The following ODAD1 variants were observed in gnomAD, a reference collection of about 807,000 sequenced individuals.
The protein encoded by ODAD1 is outer dynein arm-docking complex subunit 1.
A neutral mutation model predicts 67.2 loss-of-function variants in ODAD1; 49 were observed. That is an observed-to-expected ratio of 0.73 (90% confidence interval 0.58 to 0.92). ODAD1 has a LOEUF of 0.92. Ranked by LOEUF, ODAD1 falls within the 40% of genes least tolerant of loss-of-function variation. The pLI, the probability that ODAD1 is intolerant of heterozygous loss-of-function variation, is 0.00. For synonymous variants in ODAD1, 345 were observed against 393.7 expected (o/e 0.88, Z 1.46); for missense variants, 897 against 953.7 (o/e 0.94, Z 0.78).
chr19:48,305,125 T>C (rs1284588514), intron 8 of ODAD1, among the ~76,000 whole-genome samples: 2 of 151,882 alleles, frequency 1.3e-5, no homozygotes, highest in Non-Finnish European at 2.9e-5. Flanking sequence ...GAGAAGAACT[T>C]AGTAGAAGGT....
rs1445614850 is a variant in ODAD1 at position 48,298,011 on chromosome 19, G to A, written c.1491C>T (p.Pro497=). ...GCCCTGCGCCTCACAGAGTGTCAGGGGGCTGAAGTGGGGCCATCTTCTTCG... is the reference window on the plus strand; with the variant it reads ...GCCCTGCGCCTCACAGAGTGTCAGGAGGCTGAAGTGGGGCCATCTTCTTCG... ...DLPKKMAPLQ[P]PDTLEDPPGF... is the part of the protein sequence containing the mutation. Residue 497 remains proline, a synonymous_variant, in exon 14 of 16, where the codon CCC becomes CCT. Coordinates refer to ENST00000674294, the MANE Select transcript of ODAD1 (RefSeq NM_001364171.2). The A allele has an allele frequency of 1.2e-6, 2 of 1,612,982 alleles. No homozygotes were observed. Among genetic ancestry groups the A allele is most frequent in the East Asian group, 2.2e-5 (1 of 44,844 alleles).
chr19:48,320,108 A>G, intron 3 of ODAD1, 191 bp downstream of exon 3: 3 of 1,021,834 alleles, frequency 2.9e-6, no homozygotes, highest in Non-Finnish European at 3.7e-6. Context: ...TGAAGTCTCC[A>G]GCCTGCCCCA....
At position 48,320,697 on chromosome 19, in the gene ODAD1, G is replaced by A. The variant is rs370837511; in HGVS notation, c.-24+75C>T. 2.0e-3 allele frequency: 363 copies of A among 177,370 alleles called. 1 individual carries two copies. The highest frequency in any genetic ancestry group is 7.2e-3 in the African/African-American group (305 of 42,160). 11.0% of individuals were successfully genotyped at this position (177,370 alleles called of 1,614,324 possible). On this transcript the variant is annotated intron_variant, in intron 2 of 15. Coordinates refer to ENST00000674294, the MANE Select transcript of ODAD1 (RefSeq NM_001364171.2). The stretch of plus-strand genomic sequence containing the variant: ...AGGCTGTTTGGTCGCAGGAGAGGGG[G>A]AAACCCCGGCCTGCTGTAGTGGGGG...
At position 48,321,668 on chromosome 19, in the gene ODAD1, T is replaced by C; in HGVS notation, c.-64+10A>G. The C allele has an allele frequency of 2.6e-6, 1 of 389,746 alleles. No individual in the cohort carries two copies. 24.1% of individuals were successfully genotyped at this position (389,746 alleles called of 1,614,324 possible). A position where few individuals can be genotyped will look rare whatever the true frequency, so the allele number is the denominator to read the frequency against. On this transcript the variant is annotated intron_variant, in intron 1 of 15. Coordinates refer to ENST00000674294, the MANE Select transcript of ODAD1 (RefSeq NM_001364171.2). ...TCCTGGGGAGGTCGAGGCTGAGGTCTCACTAGTACCGCGGGCCTGGAAGCG... is the reference window on the plus strand; with the variant it reads ...TCCTGGGGAGGTCGAGGCTGAGGTCCCACTAGTACCGCGGGCCTGGAAGCG...
chr19:48,306,924 T>C (rs1600864860), intron 7 of ODAD1, among the ~76,000 whole-genome samples: 1 of 152,000 alleles, frequency 6.6e-6, no homozygotes, highest in South Asian at 2.1e-4. Flanking sequence ...GGCTCACGAC[T>C]GTAATCCCAG....
chr19:48,311,500 G>A (rs1040783866), intron 7 of ODAD1, 53 bp downstream of exon 7: 2 of 1,014,792 alleles, frequency 2.0e-6, no homozygotes, highest in African/African-American at 1.6e-5. Flanking sequence ...CAGCTGTGGG[G>A]AGGACCTGCG....
At chr19:48,315,736 A>G (rs1230785241) in intron 5 of ODAD1, among the ~76,000 whole-genome samples, 1 of 152,100 alleles carries the variant, frequency 6.6e-6, no homozygotes, top group African/African-American at 2.4e-5. Context: ...AGAATTTTAT[A>G]TTAATGGAAT....
At chr19:48,299,639 C>A (rs748821470) in intron 12 of ODAD1, among the ~76,000 whole-genome samples, 1 of 150,718 alleles carries the variant, frequency 6.6e-6, no homozygotes, top group South Asian at 2.1e-4. Context: ...CCCCCCTCCA[C>A]TAAAAATACA....
Position 48,303,998 on chromosome 19 carries a change from C to T in ODAD1, c.808G>A (p.Asp270Asn), listed in dbSNP as rs145629439. The T allele has an allele frequency of 7.8e-4, 1,266 of 1,614,204 alleles. 9 individuals are homozygous for T. In the East Asian group the frequency reaches 0.013, roughly 16 times the overall value. Residue 270 changes from aspartate to asparagine, a missense_variant, in exon 9 of 16, where the codon GAC becomes AAC. Transcript: ENST00000674294. Reference protein sequence around the residue: ...LHHFLKLKNNDRQPDPDVLEK... With the variant: ...LHHFLKLKNNNRQPDPDVLEK... ...AGGACATCGGGATCCGGCTGCCGGT[C>T]GTTGTTCTTGAGCTTGAGGAAGTGG...
At position 48,312,060 on chromosome 19, in the gene ODAD1, T is replaced by C. The variant is rs777602543; in HGVS notation, c.417A>G (p.Gly139=). Residue 139 remains glycine, a synonymous_variant, in exon 6 of 16, where the codon GGA becomes GGG. Coordinates refer to ENST00000674294, the MANE Select transcript of ODAD1 (RefSeq NM_001364171.2). ...FTHSKNVRSP[G]FILDQKVKIR... is the part of the protein sequence containing the mutation. Reference sequence around the variant, plus strand: ...TCTTGACCTTCTGATCCAGGATGAATCCCGGGGACCTGACATTCTTACTGT... The same window carrying C: ...TCTTGACCTTCTGATCCAGGATGAACCCCGGGGACCTGACATTCTTACTGT... 7 of 1,550,320 alleles carry C rather than the reference T, an allele frequency of 4.5e-6. No individual in the cohort carries two copies. Among genetic ancestry groups the C allele is most frequent in the Non-Finnish European group, 6.1e-6 (7 of 1,145,598 alleles).
intron 5 of ODAD1, 112 bp downstream of exon 5, chr19:48,318,275 A>T: frequency 1.1e-6 from 1 of 903,794 alleles, no homozygotes; most frequent in South Asian, 1.6e-5. Flanking sequence ...TACAGGCATG[A>T]GCCACTGTGC....
Position 48,318,755 on chromosome 19 carries a change from C to G in ODAD1, c.128G>C (p.Arg43Pro). Residue 43 changes from arginine (R) to proline (P), a missense_variant, in exon 4 of 16, where the codon CGG (arginine) becomes CCG (proline). Transcript: ENST00000674294. Reference protein sequence around the residue: ...RQCKVMEGERRAYSKEVHQRI... With the variant: ...RQCKVMEGERPAYSKEVHQRI... Reference sequence around the variant, plus strand: ...CTGGTGGACTTCCTTGCTGTAGGCCCGCCTCTCCCCTTCCATCACTTTGCA... The same window carrying G: ...CTGGTGGACTTCCTTGCTGTAGGCCGGCCTCTCCCCTTCCATCACTTTGCA... 1 of 1,551,398 alleles carries G rather than the reference C, an allele frequency of 6.4e-7. No individual in the cohort carries two copies. The highest frequency in any genetic ancestry group is 8.7e-7 in the Non-Finnish European group (1 of 1,146,832).
Position 48,296,873 on chromosome 19 carries a change from G to C in ODAD1, c.*103C>G, listed in dbSNP as rs764998238. On this transcript the variant is annotated 3_prime_UTR_variant, in exon 16 of 16. Transcript: ENST00000674294. ...GGCAAAAAGACAGAGGCCTGCCACT[G>C]GGAGAAAAAGACAGAGACCCACAAG... is the stretch of plus-strand genomic sequence containing the variant. The C allele has an allele frequency of 4.1e-5, 59 of 1,438,872 alleles. No individual in the cohort carries two copies. The highest frequency in any genetic ancestry group is 2.6e-4 in the Middle Eastern group (1 of 3,918). The allele number at this position is 1,438,872 out of a possible 1,614,324, so 89.1% of individuals were successfully genotyped here.
Position 48,304,042 on chromosome 19 carries a change from A to C in ODAD1, c.764T>G (p.Leu255Trp). The change falls in exon 9 of 16, where the codon TTG becomes TGG. Residue 255 changes from leucine (L) to tryptophan (W), a missense_variant. Coordinates refer to ENST00000674294, the MANE Select transcript of ODAD1 (RefSeq NM_001364171.2). The part of the protein sequence containing the change: ...MEAQVLQRQI[L>W]HLEQLHHFLK... ...GAAGTGGTGCAGCTGCTCCAGGTGC[A>C]AGATCTGCCGCTGCAGGACCTGCGC... The C allele has an allele frequency of 6.2e-7, 1 of 1,614,224 alleles. No homozygotes were observed. The highest frequency in any genetic ancestry group is 8.5e-7 in the Non-Finnish European group (1 of 1,180,036).
chr19:48,297,235 T>C lies in ODAD1; in HGVS notation c.1865A>G (p.His622Arg), dbSNP rs1331470410. 1 of 1,614,072 alleles carries C rather than the reference T, an allele frequency of 6.2e-7. No homozygotes were observed. Among genetic ancestry groups the C allele is most frequent in the Admixed American group, 1.7e-5 (1 of 60,020 alleles). ...HITHGDPNTGHVTFGSTSASS... is the reference protein window; with the variant it reads ...HITHGDPNTGRVTFGSTSASS... ...GGCACTGGTGGAGCCGAAGGTCACG[T>C]GGCCAGTGTTGGGGTCACCGTGCGT... The change falls in exon 16 of 16, where the codon CAC becomes CGC. Residue 622 changes from histidine (H) to arginine (R), a missense_variant. Physicochemically the swap from His to Arg is conservative, Grantham distance 29. Coordinates refer to ENST00000674294, the MANE Select transcript of ODAD1 (RefSeq NM_001364171.2).
chr19:48,297,125 C>T lies in ODAD1; in HGVS notation c.1975G>A (p.Gly659Arg), dbSNP rs929625985. The part of the protein sequence containing the change: ...STGYVGSSRG[G>R]ENTEGGVESG... ...TCCACACCACCCTCTGTGTTTTCTC[C>T]GCCCCTGCTGGACCCCACGTATCCA... The change falls in exon 16 of 16, where the codon GGA (glycine) becomes AGA (arginine). Residue 659 changes from glycine to arginine, a missense_variant. Physicochemically the swap from Gly to Arg is moderately radical, Grantham distance 125. Transcript: ENST00000674294. 12 of 1,613,944 alleles carry T rather than the reference C, an allele frequency of 7.4e-6. 1 individual carries two copies. The highest frequency in any genetic ancestry group is 1.6e-4 in the Middle Eastern group (1 of 6,084).
At chr19:48,308,775 C>A (rs796777258) in intron 7 of ODAD1, among the ~76,000 whole-genome samples, 2 of 151,928 alleles carry the variant, frequency 1.3e-5, no homozygotes, top group East Asian at 3.9e-4. Flanking sequence ...CCCTCCTGGG[C>A]GGGACTACAG....
intron 2 of ODAD1, 58 bp from the exon 3 acceptor site, chr19:48,320,449 G>A: frequency 1.0e-6 from 1 of 989,526 alleles, no homozygotes; most frequent in Non-Finnish European, 1.3e-6. Flanking sequence ...GCCCAGAGAG[G>A]GTGGACAATG....
At chr19:48,301,821 G>A (rs1006652791) in intron 12 of ODAD1, among the ~76,000 whole-genome samples, 3 of 136,718 alleles carry the variant, frequency 2.2e-5, no homozygotes, top group South Asian at 2.2e-4. Flanking sequence ...GATCCTGGAT[G>A]GATGGATGGA....
Sources: allele counts gnomAD v4.1 joint callset (sites outside exome capture counted in the v4.1 genomes callset), GRCh38; gene constraint gnomAD v4.1.1; transcripts MANE v1.5; gene names NCBI Gene and HGNC (gene_info 2026-07-23, HGNC 2026-07-21).